CNTN5: variants seen among roughly 807,000 people sequenced by gnomAD.
CNTN5 encodes contactin 5.
CNTN5 carries 77 observed loss-of-function variants against 129.1 expected under a neutral mutation model. The observed-to-expected ratio is 0.60, with a 90% CI of 0.50 to 0.72. The LOEUF is 0.72. Ranked by LOEUF, CNTN5 falls within the 30% of genes least tolerant of loss-of-function variation. CNTN5 has a pLI of 0.00. For missense variants in CNTN5, 1,478 were observed against 1,328.8 expected (o/e 1.11, Z -1.75); for synonymous variants, 509 against 465.6 (o/e 1.09, Z -1.20).
intron 1 of CNTN5, among the ~76,000 whole-genome samples, chr11:99,247,514 GGTTA>G (rs1360430937): frequency 6.6e-6 from 1 of 151,880 alleles, no homozygotes; most frequent in African/African-American, 2.4e-5. Context: ...ACAACGTGCA[GGTTA>G]GTTACATATG....
Position 99,875,733 on chromosome 11 carries a change from G to T in CNTN5, c.577+30471G>T, listed in dbSNP as rs1413842259. On this transcript the variant is annotated intron_variant, in intron 6 of 24. Coordinates refer to ENST00000524871, the MANE Select transcript of CNTN5 (RefSeq NM_014361.4). ...TTGCTAAAAGTCTGTACACTCTGGT[G>T]TACCTTTTTTAAAGGATATATATAT... 1.1e-4 allele frequency among the ~76,000 whole-genome samples: 17 copies of T among 148,518 alleles called. No homozygotes were observed. In the Admixed American group the frequency reaches 1.2e-3, roughly 10 times the overall value.
At chr11:99,974,582 A>G (rs1178827487) in intron 8 of CNTN5, among the ~76,000 whole-genome samples, 2 of 152,192 alleles carry the variant, frequency 1.3e-5, no homozygotes, top group African/African-American at 4.8e-5. Flanking sequence ...CTTCTGCAAG[A>G]AGGAAAGAAT....
At chr11:99,269,863 G>A (rs1218823997) in intron 1 of CNTN5, among the ~76,000 whole-genome samples, 1 of 151,808 alleles carries the variant, frequency 6.6e-6, no homozygotes, top group Non-Finnish European at 1.5e-5. Context: ...ATAAGTGACT[G>A]TTTTATATTA....
chr11:99,969,734 C>A (rs1054287979), intron 8 of CNTN5, among the ~76,000 whole-genome samples: 3 of 152,266 alleles, frequency 2.0e-5, no homozygotes, highest in South Asian at 4.1e-4. Context: ...GTACCTTTCA[C>A]TGTCTCTTCT....
chr11:99,920,619 C>G (rs781241614), intron 7 of CNTN5, among the ~76,000 whole-genome samples: 1 of 152,142 alleles, frequency 6.6e-6, no homozygotes, highest in Non-Finnish European at 1.5e-5. Flanking sequence ...TTCTCACTTT[C>G]TCTACACCCT....
intron 6 of CNTN5, among the ~76,000 whole-genome samples, chr11:99,855,208 C>T (rs1947995909): frequency 6.6e-6 from 1 of 151,990 alleles, no homozygotes; most frequent in Admixed American, 6.6e-5. Flanking sequence ...ACTTGGGAGG[C>T]TAAGGTGGGA....
intron 3 of CNTN5, among the ~76,000 whole-genome samples, chr11:99,692,664 A>G (rs1283044973): frequency 6.6e-6 from 1 of 151,824 alleles, no homozygotes; most frequent in African/African-American, 2.4e-5. Context: ...GCATCCCTCA[A>G]TATTTTTTCT....
intron 3 of CNTN5, among the ~76,000 whole-genome samples, chr11:99,714,548 G>A (rs1167413085): frequency 6.6e-6 from 1 of 151,856 alleles, no homozygotes; most frequent in East Asian, 1.9e-4. Flanking sequence ...GCCTTCCAAG[G>A]ATTCTGTGCC....
intron 1 of CNTN5, among the ~76,000 whole-genome samples, chr11:99,187,651 C>G (rs1858421646): frequency 6.6e-6 from 1 of 151,708 alleles, no homozygotes; most frequent in African/African-American, 2.4e-5. Context: ...TCCAATATTA[C>G]TACAAACTAT....
chr11:99,322,419 T>G (rs936336394), intron 1 of CNTN5, among the ~76,000 whole-genome samples: 2 of 152,126 alleles, frequency 1.3e-5, no homozygotes, highest in African/African-American at 4.8e-5. Context: ...CAGGAAAACT[T>G]TTTTAAAAAT....
intron 1 of CNTN5, among the ~76,000 whole-genome samples, chr11:99,262,512 T>A (rs953195725): frequency 1.3e-5 from 2 of 151,898 alleles, no homozygotes; most frequent in African/African-American, 4.8e-5. Context: ...GTCTACTCTA[T>A]AATACCTCTT....
At chr11:99,595,517 G>A (rs1353480152) in intron 3 of CNTN5, among the ~76,000 whole-genome samples, 4 of 151,926 alleles carry the variant, frequency 2.6e-5, no homozygotes, top group Non-Finnish European at 4.4e-5. Context: ...TGAAATATTA[G>A]TAAAAATAAT....
rs201704992 is a variant in CNTN5 at position 99,844,855 on chromosome 11, G to A, written c.281G>A (p.Ser94Asn). 6.2e-6 allele frequency: 10 copies of A among 1,611,814 alleles called. No homozygotes were observed. Among genetic ancestry groups the A allele is most frequent in the Non-Finnish European group, 8.5e-6 (10 of 1,179,104 alleles). ...TGTGTCTGTTTTGTCTTTACAGAAA[G>A]TGTGGACTATGGGCCAGTTTTTGTG... ...HSSDAFKQDE[S>N]VDYGPVFVQE... is the part of the protein sequence containing the mutation. The change falls in exon 5 of 25, where the codon AGT (serine) becomes AAT (asparagine). Residue 94 changes from serine (S) to asparagine (N), a missense_variant. By Grantham distance (46) the Ser-to-Asn change is conservative. Coordinates refer to ENST00000524871, the MANE Select transcript of CNTN5 (RefSeq NM_014361.4).
intron 1 of CNTN5, among the ~76,000 whole-genome samples, chr11:99,187,877 A>T (rs1858433431): frequency 6.7e-6 from 1 of 148,206 alleles, no homozygotes; most frequent in South Asian, 2.1e-4. Flanking sequence ...ACATAGCATT[A>T]TACATTTAAG....
At chr11:99,271,856 G>C (rs1011595707) in intron 1 of CNTN5, among the ~76,000 whole-genome samples, 1 of 151,794 alleles carries the variant, frequency 6.6e-6, no homozygotes, top group East Asian at 1.9e-4. Context: ...CAAGAAAAAA[G>C]ATAGAAGCCT....
At chr11:100,011,186 AC>A (rs1685543905) in intron 9 of CNTN5, among the ~76,000 whole-genome samples, 1 of 152,170 alleles carries the variant, frequency 6.6e-6, no homozygotes, top group African/African-American at 2.4e-5. Context: ...TACCACATTT[AC>A]ATTAGCTATA....
At chr11:99,888,321 T>C (rs1948954015) in intron 6 of CNTN5, among the ~76,000 whole-genome samples, 2 of 152,200 alleles carry the variant, frequency 1.3e-5, no homozygotes, top group Non-Finnish European at 2.9e-5. Context: ...AAAGAATATA[T>C]ATTTTATGAT....
chr11:99,165,063 A>G (rs1383596586), intron 1 of CNTN5, among the ~76,000 whole-genome samples: 3 of 152,194 alleles, frequency 2.0e-5, no homozygotes, highest in Non-Finnish European at 2.9e-5. Context: ...CATTCTTTAA[A>G]TAATCTGGTT....
chr11:99,329,360 T>C (rs1306473696), intron 2 of CNTN5, among the ~76,000 whole-genome samples: 1 of 152,176 alleles, frequency 6.6e-6, no homozygotes, highest in African/African-American at 2.4e-5. Context: ...TCAGCAAATG[T>C]TAACATTTAT....
Sources: allele counts gnomAD v4.1 joint callset (sites outside exome capture counted in the v4.1 genomes callset), GRCh38; gene constraint gnomAD v4.1.1; transcripts MANE v1.5; gene names NCBI Gene and HGNC (gene_info 2026-07-23, HGNC 2026-07-21).